NUBP1: variants seen among roughly 807,000 people sequenced by gnomAD.
NUBP1 encodes NUBP iron-sulfur cluster assembly factor 1, cytosolic, also known as cytosolic Fe-S cluster assembly factor NUBP1.
A neutral mutation model predicts 41.8 loss-of-function variants in NUBP1; 46 were observed. The ratio of observed to expected loss-of-function variants is 1.10; its 90% CI spans 0.87 to 1.41. NUBP1 has a LOEUF of 1.41. Among genes scored for constraint, NUBP1 ranks in the 40% most tolerant of loss-of-function variants. The pLI is 0.00. For missense variants in NUBP1, 494 were observed against 414.0 expected, an observed-to-expected ratio of 1.19 and a Z score of -1.68; for synonymous variants, 189 against 154.6, an observed-to-expected ratio of 1.22 and a Z score of -1.65.
chr16:10,761,268 C>G (rs566905285), intron 7 of NUBP1, 96 bp from the exon 8 acceptor site: 143 of 1,114,640 alleles, frequency 1.3e-4, no homozygotes, highest in Non-Finnish European at 1.8e-4. Context: ...GCTTTATGAT[C>G]GCAGATCCAC....
chr16:10,754,386 A>T (rs1244503097), intron 4 of NUBP1, among the ~76,000 whole-genome samples: 1 of 151,804 alleles, frequency 6.6e-6, no homozygotes, highest in Non-Finnish European at 1.5e-5. Context: ...GGCATTACAG[A>T]CACACGCCAC....
At chr16:10,745,700 A>G (rs562529523) in intron 2 of NUBP1, among the ~76,000 whole-genome samples, 65 of 152,244 alleles carry the variant, frequency 4.3e-4, no homozygotes, top group Non-Finnish European at 7.5e-4. Flanking sequence ...AGGTAGTTAC[A>G]TTCTTGTGAG....
intron 9 of NUBP1, 105 bp downstream of exon 9, chr16:10,761,964 A>G: frequency 1.1e-6 from 1 of 872,644 alleles, no homozygotes; most frequent in Non-Finnish European, 1.8e-6. Flanking sequence ...TGGAAGGAGG[A>G]GGGTCAATGG....
intron 9 of NUBP1, chr16:10,763,506 C>G (rs1001157878): frequency 2.6e-5 from 4 of 152,242 alleles, no homozygotes; most frequent in African/African-American, 9.7e-5. Flanking sequence ...CAACAACATG[C>G]AGAAAAGTAC....
rs914688100 is a variant in NUBP1, at chr16:10,761,789, G to T, written c.750G>T (p.Gly250=). The T allele has an allele frequency of 6.2e-7, 1 of 1,614,074 alleles. No individual in the cohort carries two copies. Among genetic ancestry groups the T allele is most frequent in the Non-Finnish European group, 8.5e-7 (1 of 1,179,956 alleles). The part of the protein sequence containing the change: ...KESQIFPPTT[G]GAELMCQDLE... ...CTCAGATATTCCCTCCCACAACCGG[G>T]GGCGCGGAGCTCATGTGCCAGGACT... Residue 250 remains glycine, a synonymous_variant, in exon 9 of 11, where the codon GGG becomes GGT. Transcript: ENST00000283027.
intron 9 of NUBP1, 48 bp downstream of exon 9, chr16:10,761,907 A>G (rs776895327): frequency 2.9e-5 from 43 of 1,468,508 alleles, no homozygotes; most frequent in Non-Finnish European, 4.0e-5. Context: ...GGTCAGCCCC[A>G]CAGGCACGGG....
intron 9 of NUBP1, chr16:10,763,530 A>C (rs576756695): frequency 6.6e-6 from 1 of 152,262 alleles, no homozygotes; most frequent in Non-Finnish European, 1.5e-5. Flanking sequence ...TGCTTTCTCA[A>C]CCTTCCCCAG....
At chr16:10,758,964 A>G (rs1372043604) in intron 7 of NUBP1, among the ~76,000 whole-genome samples, 1 of 152,164 alleles carries the variant, frequency 6.6e-6, no homozygotes, top group African/African-American at 2.4e-5. Context: ...CCATGGTGCT[A>G]TCCATCTCAG....
intron 7 of NUBP1, among the ~76,000 whole-genome samples, chr16:10,758,353 G>C (rs1012372148): frequency 3.3e-5 from 5 of 152,132 alleles, no homozygotes; most frequent in Non-Finnish European, 5.9e-5. Context: ...CGCGCCTGTA[G>C]TTCCAGCTAC....
intron 7 of NUBP1, among the ~76,000 whole-genome samples, chr16:10,758,772 G>A (rs948331972): frequency 3.9e-5 from 6 of 152,218 alleles, no homozygotes; most frequent in Admixed American, 3.9e-4. Flanking sequence ...CCAGCTGGGT[G>A]CAGATAGGGA....
In NUBP1 at chr16:10,757,238, G is replaced by A. The variant is rs1487364953; in HGVS notation, c.451+458G>A. Among the ~76,000 whole-genome samples, 3 of 152,132 alleles carry A rather than the reference G, an allele frequency of 2.0e-5. No homozygotes were observed. The highest frequency in any genetic ancestry group is 4.4e-5 in the Non-Finnish European group (3 of 68,028). On this transcript the variant is annotated intron_variant, in intron 6 of 10. Transcript: ENST00000283027. The surrounding 1 kb of genome is among the most constrained non-coding windows in gnomAD (Gnocchi z 4.1). ...ACCCAGGAGGCGGAGGTTGCAGTGA[G>A]CCAAGATCATGCCACTGCACTCCAG...
intron 4 of NUBP1, among the ~76,000 whole-genome samples, chr16:10,754,967 C>A (rs1173295892): frequency 6.6e-6 from 1 of 152,110 alleles, no homozygotes; most frequent in Non-Finnish European, 1.5e-5. Flanking sequence ...ATCACTTGAA[C>A]CTGGGAGGTG....
rs775717598 is a variant in NUBP1, at chr16:10,747,193, G to A, written c.175G>A (p.Val59Ile). The change falls in exon 3 of 11, where the codon GTA (valine) becomes ATA (isoleucine). Residue 59 changes from valine to isoleucine, a missense_variant. Transcript: ENST00000283027. ...KMKTVKHKILVLSGKGGVGKS... is the reference protein window; with the variant it reads ...KMKTVKHKILILSGKGGVGKS... ...GAAGACTGTAAAACACAAAATCTTG[G>A]TATTGTCTGGGAAAGGCGGTGTTGG... is the stretch of plus-strand genomic sequence containing the variant. 9.9e-6 allele frequency: 16 copies of A among 1,614,226 alleles called. No homozygotes were observed. The highest frequency in any genetic ancestry group is 1.2e-5 in the Non-Finnish European group (14 of 1,180,038).
Position 10,757,302 on chromosome 16 carries a change from C to G in NUBP1, c.451+522C>G, listed in dbSNP as rs571236813. Among the ~76,000 whole-genome samples the G allele has an allele frequency of 3.4e-4, 51 of 152,206 alleles. No individual in the cohort carries two copies. Among genetic ancestry groups the G allele is most frequent in the African/African-American group, 1.2e-3 (49 of 41,534 alleles). On this transcript the variant is annotated intron_variant, in intron 6 of 10. Transcript: ENST00000283027. The surrounding 1 kb of genome is among the most constrained non-coding windows in gnomAD (Gnocchi z 4.1). ...GCGAGACTTTTTCTCAAAAAAAAAG[C>G]TATAGAACCCTGAAATTATTTTTAT...
intron 9 of NUBP1, among the ~76,000 whole-genome samples, chr16:10,764,685 G>A (rs2030589866): frequency 6.6e-6 from 1 of 151,186 alleles, no homozygotes; most frequent in Admixed American, 6.6e-5. Context: ...GTCTGCTGGA[G>A]TAGGTCTATT....
chr16:10,757,835 A>C lies in NUBP1; in HGVS notation c.452-38A>C, dbSNP rs1442474868. On this transcript the variant is annotated intron_variant, in intron 6 of 10. Coordinates refer to ENST00000283027, the MANE Select transcript of NUBP1 (RefSeq NM_002484.4). This position sits in a 1 kb window ranked among gnomAD's most constrained non-coding sequence, Gnocchi z 4.1. ...AGGGAGTTGAAAGTACAGAAAAGAA[A>C]GGAAAAGTAAGCATCCCCTGTGGAT... 1 of 1,595,382 alleles carries C rather than the reference A, an allele frequency of 6.3e-7. No individual in the cohort carries two copies. Among genetic ancestry groups the C allele is most frequent in the East Asian group, 2.3e-5 (1 of 44,430 alleles).
At position 10,755,744 on chromosome 16, in the gene NUBP1, G is replaced by T. The variant is rs768754303; in HGVS notation, c.351G>T (p.Trp117Cys). ...GEQVHQSGSG[W>C]SPVYVEDNLG... ...AGGTTCACCAGAGTGGCTCAGGCTG[G>T]TCTCCAGTGGTGAGTTTTCACCTCT... The change falls in exon 5 of 11, where the codon TGG becomes TGT. Residue 117 changes from tryptophan (W) to cysteine (C), a missense_variant. Physicochemically the swap from Trp to Cys is radical, Grantham distance 215 (BLOSUM62 -2). Coordinates refer to ENST00000283027, the MANE Select transcript of NUBP1 (RefSeq NM_002484.4). 6.2e-7 allele frequency: 1 copy of T among 1,614,148 alleles called. No individual in the cohort carries two copies. The highest frequency in any genetic ancestry group is 8.5e-7 in the Non-Finnish European group (1 of 1,179,996).
chr16:10,762,038 A>G, intron 9 of NUBP1, 179 bp downstream of exon 9: 1 of 550,134 alleles, frequency 1.8e-6, no homozygotes, highest in Non-Finnish European at 3.2e-6. Flanking sequence ...AGAGGCCGAG[A>G]CCCCTGCGGG....
chr16:10,765,351 G>GA lies in NUBP1; in HGVS notation c.821-2592dup, dbSNP rs1225002487. ...TTAAAAAAAAAAAAAAAAAAAAAAG[G>GA]AAAAAATTCACCCAGTGTGGTGGCA... On this transcript the variant is annotated intron_variant, in intron 9 of 10. Coordinates refer to ENST00000283027, the MANE Select transcript of NUBP1 (RefSeq NM_002484.4). This position sits in a 1 kb window ranked among gnomAD's most constrained non-coding sequence, Gnocchi z 4.0. Among the ~76,000 whole-genome samples, 1 of 129,108 alleles carries GA rather than the reference G, an allele frequency of 7.7e-6. No individual in the cohort carries two copies. The highest frequency in any genetic ancestry group is 1.7e-5 in the Non-Finnish European group (1 of 59,504). The allele number at this position is 129,108 out of a possible 152,430, so 84.7% of individuals were successfully genotyped here.
Sources: gnomAD v4.1 joint callset for allele counts (sites outside exome capture counted in the v4.1 genomes callset) on GRCh38, gnomAD v4.1.1 for gene constraint, Gnocchi (gnomAD v3.1) non-coding constraint, MANE v1.5 for transcripts, NCBI Gene and HGNC (gene_info 2026-07-23, HGNC 2026-07-21) for gene names.